Variants in ZDHHC11B observed in about 807,000 individuals in gnomAD.
The protein encoded by ZDHHC11B is zDHHC palmitoyltransferase 11B (putative).
ZDHHC11B carries 17 observed loss-of-function variants against 42.3 expected under a neutral mutation model. The observed-to-expected ratio is 0.40, with a 90% confidence interval of 0.27 to 0.60. ZDHHC11B has a LOEUF of 0.60. Ranked by LOEUF, ZDHHC11B falls within the 20% of genes least tolerant of loss-of-function variation. ZDHHC11B has a pLI of 0.41. For missense variants in ZDHHC11B, 262 were observed against 463.2 expected, an observed-to-expected ratio of 0.57 and a Z score of 3.99; for synonymous variants, 123 against 193.5, an observed-to-expected ratio of 0.64 and a Z score of 3.02.
At chr5:757,162 C>T (rs1308073232) in intron 4 of ZDHHC11B, among the ~76,000 whole-genome samples, 2 of 151,980 alleles carry the variant, frequency 1.3e-5, no homozygotes, top group Admixed American at 1.3e-4. Context: ...GTCACCCTGC[C>T]TGGCTCCTGG....
intron 13 of ZDHHC11B, among the ~76,000 whole-genome samples, chr5:715,471 C>T (rs1362149177): frequency 1.3e-5 from 2 of 150,026 alleles, no homozygotes; most frequent in Non-Finnish European, 3.0e-5. Context: ...ACCACTGAGA[C>T]AATTTTTTAC....
At chr5:777,519 T>A (rs962447044) in intron 1 of ZDHHC11B, among the ~76,000 whole-genome samples, 1 of 151,822 alleles carries the variant, frequency 6.6e-6, no homozygotes, top group Non-Finnish European at 1.5e-5. Context: ...AGAACAAACT[T>A]TCCACAGCGG....
chr5:777,990 C>T (rs549232475), intron 1 of ZDHHC11B, among the ~76,000 whole-genome samples: 62 of 151,884 alleles, frequency 4.1e-4, no homozygotes, highest in South Asian at 1.2e-3. Flanking sequence ...TGAGGCCCCG[C>T]GAGAATTTGA....
intron 1 of ZDHHC11B, among the ~76,000 whole-genome samples, chr5:783,522 A>G (rs1227239049): frequency 1.5e-4 from 23 of 152,230 alleles, no homozygotes; most frequent in Non-Finnish European, 3.1e-4. Context: ...CCAGTCCTCT[A>G]TCGGTCCCCC....
intron 1 of ZDHHC11B, among the ~76,000 whole-genome samples, chr5:780,445 C>T (rs1289813164): frequency 6.8e-4 from 102 of 151,060 alleles, no homozygotes; most frequent in African/African-American, 2.2e-3. Flanking sequence ...GCAGTGTGGA[C>T]GGACCACTCG....
At position 749,453 on chromosome 5, in the gene ZDHHC11B, G is replaced by A. The variant is rs1460993728; in HGVS notation, c.629-894C>T. Among the ~76,000 whole-genome samples the A allele has an allele frequency of 9.2e-5, 12 of 130,080 alleles. 1 individual carries two copies. The highest frequency in any genetic ancestry group is 3.2e-4 in the East Asian group (1 of 3,124). 85.3% of individuals were successfully genotyped at this position (130,080 alleles called of 152,430 possible). A position where few individuals can be genotyped will look rare whatever the true frequency, so the allele number is the denominator to read the frequency against. On this transcript the variant is annotated intron_variant, in intron 7 of 13. Coordinates refer to ENST00000508859, the MANE Select transcript of ZDHHC11B (RefSeq NM_001351303.2). ...GTGACGGACCCTCTCTGGAACTGGC[G>A]GCCTTGGGGGCCTTCCTAGATGGCC...
At chr5:713,736 T>C (rs1354975570) in intron 13 of ZDHHC11B, among the ~76,000 whole-genome samples, 1 of 152,072 alleles carries the variant, frequency 6.6e-6, no homozygotes, top group Non-Finnish European at 1.5e-5. Flanking sequence ...TTTTCTCTTT[T>C]TCTTTCAGCT....
Position 770,529 on chromosome 5 carries a change from C to G in ZDHHC11B, c.-229-1599G>C, listed in dbSNP as rs879686457. On this transcript the variant is annotated intron_variant, in intron 1 of 13. Coordinates refer to ENST00000508859, the MANE Select transcript of ZDHHC11B (RefSeq NM_001351303.2). ...GTTCCACTGTCCCTCCTGTGGACGC[C>G]CGCTCTGCAGCTCTGGAGGACACCT... 3.6e-4 allele frequency among the ~76,000 whole-genome samples: 55 copies of G among 151,392 alleles called. 1 individual carries two copies. Among genetic ancestry groups the G allele is most frequent in the South Asian group, 4.2e-4 (2 of 4,754 alleles).
intron 4 of ZDHHC11B, among the ~76,000 whole-genome samples, chr5:757,000 C>T (rs1170602190): frequency 1.3e-5 from 2 of 151,770 alleles, no homozygotes; most frequent in Non-Finnish European, 2.9e-5. Flanking sequence ...GGGAGAGGGT[C>T]CTTGTCCCCT....
At chr5:769,915 G>A (rs1451301781) in intron 1 of ZDHHC11B, among the ~76,000 whole-genome samples, 12 of 151,930 alleles carry the variant, frequency 7.9e-5, no homozygotes, top group African/African-American at 2.4e-4. Context: ...AACGTGGCTC[G>A]AGTCCCGCTG....
chr5:721,328 G>T (rs1242673958), intron 12 of ZDHHC11B, among the ~76,000 whole-genome samples: 1 of 151,386 alleles, frequency 6.6e-6, no homozygotes, highest in Middle Eastern at 3.4e-3. Context: ...AAGCTAAATA[G>T]CAGAAGTGAA....
chr5:736,060 C>G (rs1743479663), intron 10 of ZDHHC11B, among the ~76,000 whole-genome samples: 1 of 149,500 alleles, frequency 6.7e-6, no homozygotes, highest in African/African-American at 2.5e-5. Flanking sequence ...CAAGTATCTG[C>G]TGTCTTCAAG....
intron 8 of ZDHHC11B, among the ~76,000 whole-genome samples, chr5:746,596 C>A (rs1224719837): frequency 6.8e-6 from 1 of 147,302 alleles, no homozygotes; most frequent in African/African-American, 2.5e-5. Flanking sequence ...CTCCCAGCCC[C>A]GCATGGCTTC....
chr5:759,370 C>T (rs7710149), intron 4 of ZDHHC11B, among the ~76,000 whole-genome samples: 7,028 of 148,528 alleles, frequency 0.047, 38 homozygotes, highest in African/African-American at 0.15. Flanking sequence ...CCGGTGCGGT[C>T]ACGTCTTGTC....
rs146679519 is a variant in ZDHHC11B at position 777,657 on chromosome 5, G to A, written c.-230+7011C>T. 4.0e-3 allele frequency among the ~76,000 whole-genome samples: 609 copies of A among 151,696 alleles called. 11 individuals carry two copies. The highest frequency in any genetic ancestry group is 0.014 in the African/African-American group (573 of 41,142). On this transcript the variant is annotated intron_variant, in intron 1 of 13. Transcript: ENST00000508859. Reference sequence around the variant, plus strand: ...AGCTAATTGGTCCGTTTTACAGAGCGTTGATTGGTCCATTTTGACAGAGTG... The same window carrying A: ...AGCTAATTGGTCCGTTTTACAGAGCATTGATTGGTCCATTTTGACAGAGTG...
chr5:743,851 A>C (rs1744439035), intron 9 of ZDHHC11B, among the ~76,000 whole-genome samples: 3 of 149,674 alleles, frequency 2.0e-5, no homozygotes, highest in Non-Finnish European at 4.4e-5. Flanking sequence ...TGTGTGCCTT[A>C]ATTTTCCCTG....
chr5:731,327 G>A (rs1378194828), intron 11 of ZDHHC11B, among the ~76,000 whole-genome samples: 20 of 149,756 alleles, frequency 1.3e-4, no homozygotes, highest in Admixed American at 1.1e-3. Context: ...GGATCCTCCT[G>A]CCTTGTGGGC....
chr5:747,606 T>C (rs1579328052), intron 8 of ZDHHC11B: 1 of 150,710 alleles, frequency 6.6e-6, no homozygotes, highest in Non-Finnish European at 1.5e-5. Flanking sequence ...GCTCTGGAGA[T>C]GGAGGTGAGC....
chr5:764,868 G>C (rs1735074242), intron 4 of ZDHHC11B, among the ~76,000 whole-genome samples: 1 of 151,036 alleles, frequency 6.6e-6, no homozygotes, highest in Admixed American at 6.6e-5. Flanking sequence ...CTAAGGGACT[G>C]TAAATACACC....
Sources: gnomAD v4.1 joint callset for allele counts (sites outside exome capture counted in the v4.1 genomes callset) on GRCh38, gnomAD v4.1.1 for gene constraint, MANE v1.5 for transcripts, NCBI Gene and HGNC (gene_info 2026-07-23, HGNC 2026-07-21) for gene names.